PHF24: variants seen among roughly 807,000 people sequenced by gnomAD.
The protein encoded by PHF24 is Galpha inhibitory interacting protein.
A neutral mutation model predicts 42.6 loss-of-function variants in PHF24; 25 were observed. That is an observed-to-expected ratio of 0.59 (90% CI 0.43 to 0.82). The LOEUF (loss-of-function observed/expected upper bound fraction) is 0.82. Ranked by LOEUF, PHF24 falls within the 40% of genes least tolerant of loss-of-function variation. PHF24 has a pLI of 0.00. For missense variants in PHF24, 470 were observed against 538.1 expected (o/e 0.87, Z 1.25); for synonymous variants, 185 against 204.8 (o/e 0.90, Z 0.83).
At chr9:34,735,016 A>T in the PHF24 span, among the ~76,000 whole-genome samples, 446 of 152,280 alleles carry the variant, frequency 2.9e-3, no homozygotes, top group Non-Finnish European at 4.5e-3. Flanking sequence ...TCCTGACTAG[A>T]CTGAATCAAT....
At chr9:34,955,577 T>C (rs1826353413), upstream of PHF24, among the ~76,000 whole-genome samples, 3 of 152,148 alleles carry the variant, frequency 2.0e-5, no homozygotes, top group Non-Finnish European at 4.4e-5. Context: ...TTCGGGAGGC[T>C]GAAGCAGGAG....
the PHF24 span, among the ~76,000 whole-genome samples, chr9:34,705,637 C>A: frequency 6.6e-6 from 1 of 152,256 alleles, no homozygotes; most frequent in South Asian, 2.1e-4. Flanking sequence ...TAGTTTTAGT[C>A]GGGGCTCAGT....
chr9:34,936,223 C>A, the PHF24 span, among the ~76,000 whole-genome samples: 3 of 152,216 alleles, frequency 2.0e-5, no homozygotes, highest in Non-Finnish European at 2.9e-5. Context: ...CGCGCGCCGC[C>A]ACGCCTGACT....
chr9:34,913,383 A>G, the PHF24 span, among the ~76,000 whole-genome samples: 1 of 152,186 alleles, frequency 6.6e-6, no homozygotes, highest in East Asian at 1.9e-4. Context: ...CCATGCCCTA[A>G]CATAGGAGGA....
At chr9:34,679,040 T>C in the PHF24 span, among the ~76,000 whole-genome samples, 10 of 152,312 alleles carry the variant, frequency 6.6e-5, no homozygotes, top group South Asian at 2.1e-3. Flanking sequence ...ATACTCACAT[T>C]CCCAGCCTCT....
chr9:34,891,602 GATC>G, the PHF24 span, among the ~76,000 whole-genome samples: 1 of 152,186 alleles, frequency 6.6e-6, no homozygotes, highest in Non-Finnish European at 1.5e-5. Context: ...GGATCTTTTG[GATC>G]AGGTCCCAGC....
chr9:34,958,229 C>CCGG (rs1826449140), upstream of PHF24: 1 of 85,966 alleles, frequency 1.2e-5, no homozygotes, highest in Non-Finnish European at 2.9e-5. The surrounding 1 kb of genome is among the most constrained non-coding windows in gnomAD (Gnocchi z 4.5). Flanking sequence ...GCCGCGCGCG[C>CCGG]CGCCGCCGCC....
chr9:34,903,527 C>G, the PHF24 span, among the ~76,000 whole-genome samples: 1 of 152,352 alleles, frequency 6.6e-6, no homozygotes, highest in East Asian at 1.9e-4. Flanking sequence ...GATTGTGCCA[C>G]TGCATTCCAG....
the PHF24 span, among the ~76,000 whole-genome samples, chr9:34,860,583 T>C: frequency 6.6e-6 from 1 of 152,114 alleles, no homozygotes; most frequent in East Asian, 1.9e-4. Flanking sequence ...TTTTTCTCTC[T>C]CTTATTTTTC....
At chr9:34,833,814 A>G in the PHF24 span, 1 of 1,551,674 alleles carries the variant, frequency 6.4e-7, no homozygotes. Context: ...TCTTCAAATG[A>G]AACCATCTAA....
the PHF24 span, among the ~76,000 whole-genome samples, chr9:34,711,182 C>T: frequency 6.6e-6 from 1 of 151,904 alleles, no homozygotes; most frequent in Non-Finnish European, 1.5e-5. Context: ...TTGTTTAATG[C>T]ATTTTCCTTT....
chr9:34,823,592 T>A, the PHF24 span, among the ~76,000 whole-genome samples: 1 of 152,040 alleles, frequency 6.6e-6, no homozygotes, highest in Non-Finnish European at 1.5e-5. Context: ...CCTGGAGACG[T>A]TGGGGCCTCC....
the PHF24 span, among the ~76,000 whole-genome samples, chr9:34,781,109 T>C: frequency 1.3e-5 from 2 of 152,228 alleles, no homozygotes; most frequent in African/African-American, 4.8e-5. Flanking sequence ...TGAATTACTA[T>C]ATTCCACTCC....
chr9:34,861,178 T>C, the PHF24 span, among the ~76,000 whole-genome samples: 1 of 152,176 alleles, frequency 6.6e-6, no homozygotes. Context: ...CCTGTAAGGT[T>C]TGGCTCAGGT....
At chr9:34,694,268 C>G in the PHF24 span, among the ~76,000 whole-genome samples, 1 of 137,718 alleles carries the variant, frequency 7.3e-6, no homozygotes, top group Non-Finnish European at 1.5e-5. Flanking sequence ...CTCCTATGTT[C>G]AAGTAATTCT....
the PHF24 span, among the ~76,000 whole-genome samples, chr9:34,776,153 A>T: frequency 6.6e-6 from 1 of 152,226 alleles, no homozygotes; most frequent in Non-Finnish European, 1.5e-5. Flanking sequence ...GGATGAAAAT[A>T]TTCTAAAATA....
At chr9:34,698,378 T>C in the PHF24 span, among the ~76,000 whole-genome samples, 1 of 152,132 alleles carries the variant, frequency 6.6e-6, no homozygotes, top group African/African-American at 2.4e-5. Context: ...CCAGAGCATT[T>C]TGGGTTTTAG....
At chr9:34,933,830 G>C in the PHF24 span, among the ~76,000 whole-genome samples, 1 of 151,536 alleles carries the variant, frequency 6.6e-6, no homozygotes, top group African/African-American at 2.4e-5. Flanking sequence ...CTGGAGTGCA[G>C]TGGCATGATC....
At chr9:34,812,852 T>C in the PHF24 span, among the ~76,000 whole-genome samples, 2 of 152,194 alleles carry the variant, frequency 1.3e-5, 1 homozygote, top group Non-Finnish European at 2.9e-5. Flanking sequence ...CAAAGAAAAT[T>C]GAGACTTCCT....
Sources: allele counts gnomAD v4.1 joint callset (sites outside exome capture counted in the v4.1 genomes callset), GRCh38; gene constraint gnomAD v4.1.1; non-coding constraint Gnocchi (gnomAD v3.1); transcripts MANE v1.5; gene names NCBI Gene and HGNC (gene_info 2026-07-23, HGNC 2026-07-21).